Variants in ST18 observed in about 807,000 individuals in gnomAD.
ST18 encodes ST18 C2H2C-type zinc finger transcription factor.
ST18 carries 50 observed loss-of-function variants against 110.0 expected under a neutral mutation model. The ratio of observed to expected loss-of-function variants is 0.45; its 90% CI spans 0.36 to 0.58. The LOEUF is 0.58. Among genes scored for constraint, ST18 ranks in the 20% least tolerant of loss-of-function variants. The probability of loss-of-function intolerance (pLI) is 0.00; values close to 1 mark genes in which losing one functional copy is unlikely to be tolerated. For synonymous variants in ST18, 461 were observed against 452.4 expected, an observed-to-expected ratio of 1.02 and a Z score of -0.24; for missense variants, 1,306 against 1,280.1, an observed-to-expected ratio of 1.02 and a Z score of -0.31.
At chr8:52,323,103 G>A (rs1804737481) in intron 2 of ST18, among the ~76,000 whole-genome samples, 1 of 152,120 alleles carries the variant, frequency 6.6e-6, no homozygotes, top group African/African-American at 2.4e-5. Flanking sequence ...CTACATAATG[G>A]CTATGTTCAG....
intron 2 of ST18, among the ~76,000 whole-genome samples, chr8:52,390,385 ACT>A (rs1294964442): frequency 6.6e-6 from 1 of 152,042 alleles, no homozygotes; most frequent in Non-Finnish European, 1.5e-5. Context: ...CACGCACATC[ACT>A]CTGTCTCTCA....
At chr8:52,121,168 T>C (rs1243487719) in intron 23 of ST18, among the ~76,000 whole-genome samples, 1 of 152,190 alleles carries the variant, frequency 6.6e-6, no homozygotes, top group Admixed American at 6.5e-5. Context: ...TGAGGGCCAA[T>C]GTTCCTGAAG....
intron 2 of ST18, among the ~76,000 whole-genome samples, chr8:52,340,379 A>C (rs762765650): frequency 2.0e-5 from 3 of 152,238 alleles, no homozygotes; most frequent in South Asian, 2.1e-4. Flanking sequence ...TCATATGAAT[A>C]AACAGAGAAC....
At chr8:52,246,539 T>C (rs762481136) in intron 2 of ST18, 11 of 152,182 alleles carry the variant, frequency 7.2e-5, no homozygotes, top group Admixed American at 3.3e-4. Flanking sequence ...AATAAGCCAA[T>C]TTAATCACAT....
chr8:52,175,715 T>A (rs2066656923), intron 9 of ST18, among the ~76,000 whole-genome samples: 1 of 152,190 alleles, frequency 6.6e-6, no homozygotes, highest in African/African-American at 2.4e-5. Flanking sequence ...AGGCATTTTC[T>A]ACTCCAGTTC....
chr8:52,382,906 T>G (rs1835101147), intron 2 of ST18, among the ~76,000 whole-genome samples: 1 of 152,058 alleles, frequency 6.6e-6, no homozygotes, highest in Non-Finnish European at 1.5e-5. Context: ...TCTGTGACAG[T>G]AGCCAGCTTC....
intron 16 of ST18, among the ~76,000 whole-genome samples, chr8:52,147,283 G>T (rs1014141376): frequency 6.6e-6 from 1 of 152,038 alleles, no homozygotes; most frequent in Non-Finnish European, 1.5e-5. Flanking sequence ...ATGATTTTTT[G>T]AAATTAAGCA....
chr8:52,220,796 G>C lies in ST18; in HGVS notation c.-212C>G, dbSNP rs1273802606. On this transcript the variant is annotated 5_prime_UTR_variant, in exon 5 of 26. Transcript: ENST00000689386. ...AACTCAGTTTGCCCTGCTGTGTCAG[G>C]GGGACTAAATAAATGACTTTGTCTT... 1.3e-5 allele frequency: 2 copies of C among 152,068 alleles called. No homozygotes were observed. Among genetic ancestry groups the C allele is most frequent in the African/African-American group, 4.8e-5 (2 of 41,412 alleles). 9.4% of individuals were successfully genotyped at this position (152,068 alleles called of 1,614,324 possible).
At chr8:52,280,193 T>C (rs1428370023) in intron 2 of ST18, among the ~76,000 whole-genome samples, 1 of 151,826 alleles carries the variant, frequency 6.6e-6, no homozygotes, top group Non-Finnish European at 1.5e-5. Context: ...TATTAATCAG[T>C]TTAAAATAAG....
At chr8:52,279,941 G>T (rs537744764) in intron 2 of ST18, among the ~76,000 whole-genome samples, 1 of 152,136 alleles carries the variant, frequency 6.6e-6, no homozygotes, top group Non-Finnish European at 1.5e-5. Context: ...GGAGAGGAGG[G>T]TTACTAAGTG....
intron 2 of ST18, among the ~76,000 whole-genome samples, chr8:52,395,897 A>G (rs548096292): frequency 3.0e-4 from 45 of 152,358 alleles, no homozygotes; most frequent in African/African-American, 1.0e-3. Context: ...CAGAATTACT[A>G]AAAATGATAT....
At chr8:52,188,004 T>A (rs2073043041) in intron 8 of ST18, among the ~76,000 whole-genome samples, 1 of 152,256 alleles carries the variant, frequency 6.6e-6, no homozygotes, top group African/African-American at 2.4e-5. Flanking sequence ...CAGCTTATAT[T>A]ACTTTGGAAA....
intron 3 of ST18, among the ~76,000 whole-genome samples, chr8:52,225,589 A>C (rs1269924143): frequency 6.6e-6 from 1 of 152,216 alleles, no homozygotes; most frequent in Non-Finnish European, 1.5e-5. Context: ...TGGTTTTATC[A>C]GCAGCAAGCA....
intron 8 of ST18, among the ~76,000 whole-genome samples, chr8:52,181,023 T>C (rs538207438): frequency 6.6e-6 from 1 of 152,350 alleles, no homozygotes; most frequent in African/African-American, 2.4e-5. Context: ...TATTTGGAAA[T>C]GTTCCTGAGG....
chr8:52,354,332 C>T (rs983916853), intron 2 of ST18, among the ~76,000 whole-genome samples: 10 of 152,128 alleles, frequency 6.6e-5, no homozygotes, highest in Admixed American at 2.0e-4. Flanking sequence ...GTTGCCTCGA[C>T]CGAGTAAAGT....
At chr8:52,253,709 T>C (rs1017553040) in intron 2 of ST18, among the ~76,000 whole-genome samples, 6 of 152,156 alleles carry the variant, frequency 3.9e-5, no homozygotes, top group African/African-American at 7.2e-5. Flanking sequence ...TCTAGAGAGA[T>C]GTCAGATTTG....
At chr8:52,339,630 G>A (rs942275538) in intron 2 of ST18, among the ~76,000 whole-genome samples, 2 of 152,192 alleles carry the variant, frequency 1.3e-5, no homozygotes, top group Admixed American at 1.3e-4. Flanking sequence ...GCTGAGGTCC[G>A]AGGTCTGAGG....
intron 2 of ST18, among the ~76,000 whole-genome samples, chr8:52,280,804 C>T (rs1308120138): frequency 3.9e-5 from 6 of 152,014 alleles, no homozygotes; most frequent in Non-Finnish European, 8.8e-5. Context: ...ACAAATCCTT[C>T]CAGTAACTGA....
intron 2 of ST18, among the ~76,000 whole-genome samples, chr8:52,264,044 C>T (rs1294526575): frequency 1.3e-5 from 2 of 152,082 alleles, no homozygotes; most frequent in African/African-American, 4.8e-5. Context: ...AGTGACCTGC[C>T]CGCCTTGGCC....
Sources: gnomAD v4.1 joint callset for allele counts (sites outside exome capture counted in the v4.1 genomes callset) on GRCh38, gnomAD v4.1.1 for gene constraint, MANE v1.5 for transcripts, NCBI Gene and HGNC (gene_info 2026-07-23, HGNC 2026-07-21) for gene names.